LSG1: variants seen among roughly 807,000 people sequenced by gnomAD.
The protein encoded by LSG1 is large subunit GTPase 1 homolog.
Under a neutral mutation model 82.6 loss-of-function variants are expected in LSG1, and 55 were observed. The ratio of observed to expected loss-of-function variants is 0.67; its 90% CI spans 0.54 to 0.83. LSG1 has a LOEUF of 0.83. Ranked by LOEUF, LSG1 falls within the 40% of genes least tolerant of loss-of-function variation. The pLI, the probability that LSG1 is intolerant of heterozygous loss-of-function variation, is 0.00. For missense variants in LSG1, 809 were observed against 807.9 expected, an observed-to-expected ratio of 1.00 and a Z score of -0.02; for synonymous variants, 272 against 282.5, an observed-to-expected ratio of 0.96 and a Z score of 0.37.
At chr3:194,662,191 G>A (rs143212681) in intron 5 of LSG1, among the ~76,000 whole-genome samples, 3 of 152,310 alleles carry the variant, frequency 2.0e-5, no homozygotes, top group Admixed American at 6.5e-5. Context: ...CTCATAGGTC[G>A]GCTACCCTGT....
At chr3:194,652,516 G>C (rs938263502) in intron 8 of LSG1, among the ~76,000 whole-genome samples, 1 of 152,176 alleles carries the variant, frequency 6.6e-6, no homozygotes, top group Non-Finnish European at 1.5e-5. Context: ...ATGTGAATAG[G>C]TATGTTACCA....
At chr3:194,650,720 G>A in intron 10 of LSG1, 161 bp downstream of exon 10, 1 of 661,950 alleles carries the variant, frequency 1.5e-6, no homozygotes, top group Non-Finnish European at 2.4e-6. Context: ...AGGAAATGAG[G>A]TTCTATTCTG....
In LSG1 at chr3:194,645,571, G is replaced by GAC. The variant is rs1560219817; in HGVS notation, c.1623+591_1623+592dup. 4.4e-4 allele frequency among the ~76,000 whole-genome samples: 18 copies of GAC among 41,330 alleles called. 2 individuals carry two copies. The highest frequency in any genetic ancestry group is 6.4e-4 in the Admixed American group (3 of 4,712). The allele number at this position is 41,330 out of a possible 152,430, so 27.1% of individuals were successfully genotyped here. On this transcript the variant is annotated intron_variant, in intron 12 of 13. Coordinates refer to ENST00000265245, the MANE Select transcript of LSG1 (RefSeq NM_018385.3). Reference sequence around the variant, plus strand: ...ACACACACACACACACACACACACAGACAGACACACACACACACACACACA... The same window carrying GAC: ...ACACACACACACACACACACACACAGACACAGACACACACACACACACACACA...
intron 10 of LSG1, 168 bp from the exon 11 acceptor site, chr3:194,648,972 C>T (rs1718614393): frequency 1.6e-6 from 1 of 616,870 alleles, no homozygotes; most frequent in Non-Finnish European, 2.7e-6. Context: ...GTTGTTTTTT[C>T]CCTTTTAAAC....
intron 5 of LSG1, among the ~76,000 whole-genome samples, chr3:194,664,307 A>G (rs1397228963): frequency 6.6e-6 from 1 of 152,190 alleles, no homozygotes; most frequent in African/African-American, 2.4e-5. Context: ...GAGAATCCCA[A>G]TTAAAGCATT....
Position 194,659,047 on chromosome 3 carries a change from A to G in LSG1, c.669T>C (p.Ser223=), listed in dbSNP as rs768917254. ...CTTTTTCGAAGTACATGGCCCAGGCACTCCGCTGCTCAGCAGTCAGCAAGT... is the reference window on the plus strand; with the variant it reads ...CTTTTTCGAAGTACATGGCCCAGGCGCTCCGCTGCTCAGCAGTCAGCAAGT... ...KADLLTAEQR[S]AWAMYFEKED... Residue 223 remains serine, a synonymous_variant, in exon 7 of 14, where the codon AGT becomes AGC. Transcript: ENST00000265245. The G allele has an allele frequency of 1.9e-6, 3 of 1,614,050 alleles. No individual in the cohort carries two copies. In the African/African-American group the frequency reaches 4.0e-5, roughly 22 times the overall value.
At chr3:194,650,700 T>C (rs1718655420) in intron 10 of LSG1, 181 bp downstream of exon 10, 2 of 588,748 alleles carry the variant, frequency 3.4e-6, no homozygotes, top group East Asian at 6.4e-5. Context: ...AAGGCTACAC[T>C]GCTGAAATCA....
At chr3:194,652,463 G>A (rs1384405125) in intron 8 of LSG1, among the ~76,000 whole-genome samples, 5 of 152,252 alleles carry the variant, frequency 3.3e-5, no homozygotes, top group Admixed American at 1.3e-4. Flanking sequence ...TACTTCACAC[G>A]GCAGGAAAAG....
In LSG1 at chr3:194,645,593, C is replaced by CACAGACAGACAG. The variant is rs1198532047; in HGVS notation, c.1623+570_1623+571insCTGTCTGTCTGT. On this transcript the variant is annotated intron_variant, in intron 12 of 13. Transcript: ENST00000265245. The stretch of plus-strand genomic sequence containing the variant: ...ACAGACAGACACACACACACACACA[C>CACAGACAGACAG]ACACACACACACACACACACACACA... Among the ~76,000 whole-genome samples the CACAGACAGACAG allele has an allele frequency of 1.2e-3, 122 of 100,220 alleles. 6 individuals are homozygous for CACAGACAGACAG. Among genetic ancestry groups the CACAGACAGACAG allele is most frequent in the African/African-American group, 4.7e-3 (110 of 23,530 alleles). The allele number at this position is 100,220 out of a possible 152,430, so 65.7% of individuals were successfully genotyped here. A position where few individuals can be genotyped will look rare whatever the true frequency, so the allele number is the denominator to read the frequency against.
At chr3:194,645,541 C>CACACACACACACACAGACAG (rs1718517371) in intron 12 of LSG1, 4 of 40,742 alleles carry the variant, frequency 9.8e-5, no homozygotes, top group Non-Finnish European at 2.0e-4. Context: ...GACAGACACA[C>CACACACACACACACAGACAG]ACACACACAC....
At chr3:194,660,200 ATGGCCAGAGTAGCAAACCC>A in intron 5 of LSG1, 67 bp from the exon 6 acceptor site, 1 of 1,248,160 alleles carries the variant, frequency 8.0e-7, no homozygotes, top group Non-Finnish European at 1.2e-6. Context: ...CCACATAATA[ATGGCCAGAGTAGCAAACCC>A]TGGCAATATA....
In LSG1 at chr3:194,672,046, T is replaced by A; in HGVS notation, c.99+18A>T. The A allele has an allele frequency of 1.2e-6, 2 of 1,606,480 alleles. No homozygotes were observed. The highest frequency in any genetic ancestry group is 1.7e-6 in the Non-Finnish European group (2 of 1,174,580). ...GGCTAGACAGAAAAGATAAGAAAGA[T>A]GACATGGTCTGTCTTACCCAGGAGT... On this transcript the variant is annotated intron_variant, in intron 1 of 13. Transcript: ENST00000265245.
chr3:194,648,075 ATTTTTTTTTTTTT>A (rs990548703), intron 11 of LSG1, among the ~76,000 whole-genome samples: 4 of 117,940 alleles, frequency 3.4e-5, no homozygotes, highest in Admixed American at 1.8e-4. Flanking sequence ...CCACACTGCT[ATTTTTTTTTTTTT>A]TTTTTTTTTT....
chr3:194,660,217 C>A (rs1035019940), intron 5 of LSG1, 84 bp from the exon 6 acceptor site: 1 of 1,049,302 alleles, frequency 9.5e-7, no homozygotes, highest in Admixed American at 1.7e-5. Context: ...GAGTAGCAAA[C>A]CCTGGCAATA....
chr3:194,661,235 G>A (rs557858648), intron 5 of LSG1, among the ~76,000 whole-genome samples: 1 of 152,282 alleles, frequency 6.6e-6, no homozygotes, highest in South Asian at 2.1e-4. Context: ...AAGTTCTCTA[G>A]TTCAGCTGCT....
Position 194,646,345 on chromosome 3 carries a change from G to A in LSG1, c.1544-102C>T, listed in dbSNP as rs539926665. On this transcript the variant is annotated intron_variant, in intron 11 of 13. Transcript: ENST00000265245. ...CTATTACTAAGCATTCTTACTCTTGGATTTTAAAAAATTAGGTATCATTGT... is the reference window on the plus strand; with the variant it reads ...CTATTACTAAGCATTCTTACTCTTGAATTTTAAAAAATTAGGTATCATTGT... 1.6e-4 allele frequency: 129 copies of A among 825,552 alleles called. 1 individual carries two copies. The East Asian group carries it at 2.7e-3, about 18-fold the overall frequency. The allele number at this position is 825,552 out of a possible 1,614,324, so 51.1% of individuals were successfully genotyped here.
chr3:194,645,557 C>CACACACACAG (rs1718522460), intron 12 of LSG1, among the ~76,000 whole-genome samples: 1 of 55,930 alleles, frequency 1.8e-5, no homozygotes, highest in African/African-American at 6.4e-5. Flanking sequence ...CACACACACA[C>CACACACACAG]ACACACACAC....
In LSG1 at chr3:194,644,627, T is replaced by A; in HGVS notation, c.1743A>T (p.Arg581Ser). The change falls in exon 13 of 14, where the codon AGA (arginine) becomes AGT (serine). Residue 581 changes from arginine (R) to serine (S), a missense_variant. Coordinates refer to ENST00000265245, the MANE Select transcript of LSG1 (RefSeq NM_018385.3). ...NSDEIKMQLG[R>S]NKKAKQIENI... is the part of the protein sequence containing the mutation. ...TTTCAATCTGCTTTGCTTTTTTATT[T>A]CTGCCTAGCTGCATTTTTATTTCAT... The A allele has an allele frequency of 6.2e-7, 1 of 1,613,162 alleles. No homozygotes were observed. Among genetic ancestry groups the A allele is most frequent in the South Asian group, 1.1e-5 (1 of 90,766 alleles).
intron 2 of LSG1, among the ~76,000 whole-genome samples, chr3:194,667,923 CAA>C (rs1170566137): frequency 7.8e-5 from 1 of 12,838 alleles, no homozygotes; most frequent in African/African-American, 4.0e-4. Context: ...GACTCCGTCT[CAA>C]AAAAAAAAAA....
Sources: gnomAD v4.1 joint callset for allele counts (sites outside exome capture counted in the v4.1 genomes callset) on GRCh38, gnomAD v4.1.1 for gene constraint, MANE v1.5 for transcripts, NCBI Gene and HGNC (gene_info 2026-07-23, HGNC 2026-07-21) for gene names.